EIPR1: variants seen among roughly 807,000 people sequenced by gnomAD.
The protein encoded by EIPR1 is EARP complex and GARP complex interacting protein 1, also known as EARP and GARP complex-interacting protein 1.
Under a neutral mutation model 48.1 loss-of-function variants are expected in EIPR1, and 25 were observed. That is an observed-to-expected ratio of 0.52 (90% CI 0.38 to 0.73). EIPR1 has a LOEUF of 0.73. EIPR1 is among the 30% of genes least tolerant of loss of function. The pLI is 0.00. For missense variants in EIPR1, 415 were observed against 506.2 expected (o/e 0.82, Z 1.73); for synonymous variants, 204 against 201.9 (o/e 1.01, Z -0.09).
At chr2:3,236,983 T>A (rs1666423728) in intron 4 of EIPR1, among the ~76,000 whole-genome samples, 1 of 152,068 alleles carries the variant, frequency 6.6e-6, no homozygotes, top group South Asian at 2.1e-4. Context: ...TGTACCATGT[T>A]AACACACGAG....
rs1670124120 is a variant in EIPR1, at chr2:3,338,137, CTA to C, written c.137_138del (p.Ile46ArgfsTer3). ...SLKYDNQIHIIDFDDENNIIN... is the reference protein window; with the variant it reads ...SLKYDNQIHIXDFDDENNIIN... ...ATAATGTTGTTTTCATCGTCAAAATCTATGATATGGATCTACAAATACAAGAA... is the reference window on the plus strand; with the variant it reads ...ATAATGTTGTTTTCATCGTCAAAATCTGATATGGATCTACAAATACAAGAA... On this transcript the variant is annotated frameshift_variant, in exon 3 of 9. Coordinates refer to ENST00000382125, the MANE Select transcript of EIPR1 (RefSeq NM_003310.5). LOFTEE classifies it high-confidence loss of function. The C allele has an allele frequency of 1.2e-6, 2 of 1,610,180 alleles. No individual in the cohort carries two copies. The highest frequency in any genetic ancestry group is 3.4e-5 in the Admixed American group (2 of 58,728).
At chr2:3,350,117 CAAAAAAA>C (rs35912767) in intron 2 of EIPR1, among the ~76,000 whole-genome samples, 2 of 57,462 alleles carry the variant, frequency 3.5e-5, no homozygotes, top group African/African-American at 7.6e-5. Flanking sequence ...GACTCTGTCT[CAAAAAAA>C]AAAAAAAAAA....
chr2:3,354,453 A>G, intron 2 of EIPR1, 97 bp downstream of exon 2: 2 of 1,081,172 alleles, frequency 1.8e-6, no homozygotes, highest in South Asian at 1.4e-5. Context: ...ATGTGGCATT[A>G]ATTTCTCAAA....
At chr2:3,262,332 G>A (rs888859832) in intron 3 of EIPR1, among the ~76,000 whole-genome samples, 10 of 152,306 alleles carry the variant, frequency 6.6e-5, no homozygotes, top group East Asian at 1.9e-4. Flanking sequence ...TAGGAGGAGC[G>A]TGCAGAAGAC....
intron 4 of EIPR1, among the ~76,000 whole-genome samples, chr2:3,254,459 G>T (rs1667094012): frequency 6.6e-6 from 1 of 152,176 alleles, no homozygotes; most frequent in African/African-American, 2.4e-5. Context: ...TTAACAAACC[G>T]TGGTGCGTCA....
chr2:3,218,494 G>T (rs1427784088), intron 4 of EIPR1, among the ~76,000 whole-genome samples: 3 of 100,940 alleles, frequency 3.0e-5, no homozygotes, highest in South Asian at 3.2e-4. Context: ...ACACCCAGCA[G>T]GGCCCTGGTA....
At chr2:3,344,634 CTTTTTTTTT>C (rs1178498027) in intron 2 of EIPR1, among the ~76,000 whole-genome samples, 2 of 74,196 alleles carry the variant, frequency 2.7e-5, no homozygotes, top group Non-Finnish European at 5.1e-5. Flanking sequence ...GGTTCTGGTT[CTTTTTTTTT>C]TTTTTTTTTT....
At chr2:3,291,797 A>G (rs1429418311) in intron 3 of EIPR1, among the ~76,000 whole-genome samples, 1 of 152,240 alleles carries the variant, frequency 6.6e-6, no homozygotes, top group African/African-American at 2.4e-5. Flanking sequence ...GTTCTCAAAT[A>G]TCAACCTTAG....
chr2:3,271,817 C>T (rs967396932), intron 3 of EIPR1, among the ~76,000 whole-genome samples: 1 of 152,220 alleles, frequency 6.6e-6, no homozygotes, highest in Non-Finnish European at 1.5e-5. Context: ...GAGAGTCAGC[C>T]TGTCCATTAA....
chr2:3,199,909 ATCTGGGCACACATGGGGG>A (rs1664965390), intron 5 of EIPR1, among the ~76,000 whole-genome samples: 1 of 47,800 alleles, frequency 2.1e-5, no homozygotes, highest in Non-Finnish European at 3.8e-5. Flanking sequence ...GTGTGTCTGC[ATCTGGGCACACATGGGGG>A]GGTGTCCACA....
intron 3 of EIPR1, chr2:3,301,060 T>C (rs1323199318): frequency 1.3e-5 from 2 of 152,228 alleles, no homozygotes; most frequent in Non-Finnish European, 2.9e-5. Context: ...TTTTCTCAGA[T>C]GGCACTGAAG....
chr2:3,272,372 G>C (rs1667725146), intron 3 of EIPR1, among the ~76,000 whole-genome samples: 1 of 152,176 alleles, frequency 6.6e-6, no homozygotes, highest in South Asian at 2.1e-4. Flanking sequence ...GTCTACTTCA[G>C]CTTTTGGCTG....
intron 2 of EIPR1, among the ~76,000 whole-genome samples, chr2:3,338,394 G>A (rs1002679735): frequency 5.9e-5 from 9 of 152,282 alleles, no homozygotes; most frequent in African/African-American, 1.9e-4. Flanking sequence ...ACTGCCATCC[G>A]GTCATATCCA....
chr2:3,208,630 C>T lies in EIPR1; in HGVS notation c.516+5519G>A, dbSNP rs1162790451. 3 of 1,550,634 alleles carry T rather than the reference C, an allele frequency of 1.9e-6. No homozygotes were observed. In the East Asian group the frequency reaches 7.3e-5, roughly 38 times the overall value. ...GTCTGTTGAATGAATTTGGCCATGG[C>T]ATTCTGGTATGCTTGGCATATGGCT... On this transcript the variant is annotated intron_variant, in intron 5 of 8. Transcript: ENST00000382125.
intron 5 of EIPR1, among the ~76,000 whole-genome samples, chr2:3,202,677 G>GC (rs1306614400): frequency 6.6e-6 from 1 of 152,176 alleles, no homozygotes; most frequent in East Asian, 1.9e-4. Flanking sequence ...TGCAAGCTGA[G>GC]CCCCCAACAG....
chr2:3,285,319 A>ACCCCCCCACCCC (rs1668147537), intron 3 of EIPR1, among the ~76,000 whole-genome samples: 1 of 57,586 alleles, frequency 1.7e-5, no homozygotes, highest in African/African-American at 6.4e-5. Context: ...ACACCCTCCC[A>ACCCCCCCACCCC]CCCCCCCACC....
intron 3 of EIPR1, among the ~76,000 whole-genome samples, chr2:3,309,582 C>T (rs1297391909): frequency 6.6e-6 from 1 of 152,176 alleles, no homozygotes; most frequent in African/African-American, 2.4e-5. Context: ...AACACACAAC[C>T]CAGCTCCATA....
intron 1 of EIPR1, among the ~76,000 whole-genome samples, chr2:3,369,080 G>C (rs897760006): frequency 2.0e-5 from 3 of 152,088 alleles, no homozygotes; most frequent in African/African-American, 4.8e-5. Context: ...CTGCAATGAT[G>C]GTTCTTCAAA....
In EIPR1 at chr2:3,188,980, ATTTAT is replaced by A. The variant is rs1325713648; in HGVS notation, c.*349_*353del. 5.7e-6 allele frequency: 1 copy of A among 175,168 alleles called. No individual in the cohort carries two copies. The highest frequency in any genetic ancestry group is 2.4e-5 in the African/African-American group (1 of 42,406). 10.9% of individuals were successfully genotyped at this position (175,168 alleles called of 1,614,324 possible). A position where few individuals can be genotyped will look rare whatever the true frequency, so the allele number is the denominator to read the frequency against. Reference sequence around the variant, plus strand: ...TGAGCCGAGCACCTGTGCAGCGTGGATTTATTTTATTTCATTTTTTACTCTCAAGA... The same window carrying A: ...TGAGCCGAGCACCTGTGCAGCGTGGATTTATTTCATTTTTTACTCTCAAGA... On this transcript the variant is annotated 3_prime_UTR_variant, in exon 9 of 9. Transcript: ENST00000382125.
Sources: allele counts gnomAD v4.1 joint callset (sites outside exome capture counted in the v4.1 genomes callset), GRCh38; gene constraint gnomAD v4.1.1; transcripts MANE v1.5; gene names NCBI Gene and HGNC (gene_info 2026-07-23, HGNC 2026-07-21).